The following NRXN1 variants were observed in gnomAD, a reference collection of about 807,000 sequenced individuals.
NRXN1 encodes neurexin 1, also known as neurexin-1.
NRXN1 carries 39 observed loss-of-function variants against 150.9 expected under a neutral mutation model. The ratio of observed to expected loss-of-function variants is 0.26; its 90% confidence interval spans 0.20 to 0.34. NRXN1 has a LOEUF of 0.34. Ranked by LOEUF, NRXN1 falls within the 10% of genes least tolerant of loss-of-function variation. The pLI is 1.00. For missense variants in NRXN1, 1,815 were observed against 1,949.9 expected (o/e 0.93, Z 1.30); for synonymous variants, 924 against 757.0 (o/e 1.22, Z -3.62).
At chr2:50,664,911 C>T (rs1432039838) in intron 5 of NRXN1, among the ~76,000 whole-genome samples, 1 of 151,744 alleles carries the variant, frequency 6.6e-6, no homozygotes, top group Non-Finnish European at 1.5e-5. Flanking sequence ...AGATATTTAT[C>T]CTTCAAATTA....
chr2:49,957,454 G>A (rs112456596), intron 21 of NRXN1, among the ~76,000 whole-genome samples: 1,860 of 152,126 alleles, frequency 0.012, 16 homozygotes, highest in Non-Finnish European at 0.019. Context: ...TTTATTCCTA[G>A]CACTGGACTC....
intron 5 of NRXN1, among the ~76,000 whole-genome samples, chr2:50,639,945 T>G (rs1428370194): frequency 6.6e-6 from 1 of 152,170 alleles, no homozygotes; most frequent in Non-Finnish European, 1.5e-5. Context: ...ATTCCCACAA[T>G]AGGAATAGAC....
chr2:50,700,905 A>T (rs1296050635), intron 5 of NRXN1, among the ~76,000 whole-genome samples: 1 of 151,600 alleles, frequency 6.6e-6, no homozygotes, highest in African/African-American at 2.4e-5. Context: ...TGACCTCGTG[A>T]TCTGCCCGCC....
intron 5 of NRXN1, among the ~76,000 whole-genome samples, chr2:50,875,569 A>G (rs1678452102): frequency 6.6e-6 from 1 of 151,786 alleles, no homozygotes; most frequent in Non-Finnish European, 1.5e-5. Context: ...GAAACAAGAT[A>G]AGATTTCTAC....
chr2:50,924,044 T>C (rs62142983), intron 3 of NRXN1, among the ~76,000 whole-genome samples: 6 of 151,768 alleles, frequency 4.0e-5, no homozygotes, highest in Non-Finnish European at 7.4e-5. Context: ...GTGTTTTATA[T>C]GCTGATAGTG....
intron 18 of NRXN1, among the ~76,000 whole-genome samples, chr2:50,139,324 CA>C (rs35142652): frequency 0.38 from 29,454 of 77,446 alleles, 2,517 homozygotes; most frequent in African/African-American, 0.41. Flanking sequence ...GACTTGGTAT[CA>C]AAAAAAAAAA....
intron 5 of NRXN1, among the ~76,000 whole-genome samples, chr2:50,647,483 G>T (rs766759264): frequency 1.3e-5 from 2 of 151,890 alleles, no homozygotes; most frequent in Non-Finnish European, 2.9e-5. Flanking sequence ...AAACAAAATA[G>T]AAATAGCTTA....
chr2:50,668,244 A>C (rs1688346239), intron 5 of NRXN1, among the ~76,000 whole-genome samples: 1 of 151,934 alleles, frequency 6.6e-6, no homozygotes, highest in Non-Finnish European at 1.5e-5. Flanking sequence ...AATAAAATAA[A>C]ATAGTGAAAT....
intron 5 of NRXN1, among the ~76,000 whole-genome samples, chr2:50,746,889 G>T (rs1353100426): frequency 1.3e-5 from 2 of 152,090 alleles, no homozygotes; most frequent in Non-Finnish European, 2.9e-5. Flanking sequence ...ACAGATGAAT[G>T]CTCTGGGTTG....
intron 21 of NRXN1, among the ~76,000 whole-genome samples, chr2:49,958,125 C>T (rs570241100): frequency 1.3e-5 from 2 of 152,232 alleles, no homozygotes; most frequent in South Asian, 4.1e-4. Context: ...AGTGCAGAAA[C>T]AGGACAAGAA....
chr2:50,639,072 A>G (rs1683663034), intron 5 of NRXN1, among the ~76,000 whole-genome samples: 1 of 152,146 alleles, frequency 6.6e-6, no homozygotes, highest in Admixed American at 6.6e-5. Context: ...TACATTAAAA[A>G]AATGAAGGTC....
intron 21 of NRXN1, among the ~76,000 whole-genome samples, chr2:49,975,673 C>T (rs576161314): frequency 6.6e-6 from 1 of 152,190 alleles, no homozygotes; most frequent in East Asian, 1.9e-4. Context: ...TCTCAACAAA[C>T]TTTATTCTTA....
chr2:50,155,294 T>G (rs1266158982), intron 18 of NRXN1, among the ~76,000 whole-genome samples: 1 of 151,570 alleles, frequency 6.6e-6, no homozygotes, highest in Non-Finnish European at 1.5e-5. Context: ...CCCAAGTCTA[T>G]AGAGTAGTGT....
At chr2:50,076,514 TAGGAAAATG>T (rs1194157170) in intron 19 of NRXN1, among the ~76,000 whole-genome samples, 1 of 152,182 alleles carries the variant, frequency 6.6e-6, no homozygotes, top group African/African-American at 2.4e-5. Context: ...CTTTTTAGAT[TAGGAAAATG>T]AGATTAAAGA....
intron 5 of NRXN1, among the ~76,000 whole-genome samples, chr2:50,742,537 G>A (rs991154370): frequency 6.6e-6 from 1 of 151,032 alleles, no homozygotes; most frequent in Non-Finnish European, 1.5e-5. Flanking sequence ...GAGCCCGGGA[G>A]GCGGAGGTTG....
rs374831026 is a variant in NRXN1 at position 50,788,009 on chromosome 2, A to G, written c.832+133860T>C. Among the ~76,000 whole-genome samples, 11 of 152,092 alleles carry G rather than the reference A, an allele frequency of 7.2e-5. No homozygotes were observed. In the East Asian group the frequency reaches 7.7e-4, roughly 11 times the overall value. ...TCTGCAGAGATAAATATCCCAAAATATTTTTGTGCTCCAAAATATGAGAAG... is the reference window on the plus strand; with the variant it reads ...TCTGCAGAGATAAATATCCCAAAATGTTTTTGTGCTCCAAAATATGAGAAG... On this transcript the variant is annotated intron_variant, in intron 5 of 22. Coordinates refer to ENST00000401669, the MANE Select transcript of NRXN1 (RefSeq NM_001330078.2).
At chr2:50,618,500 G>C (rs1679407423) in intron 8 of NRXN1, among the ~76,000 whole-genome samples, 1 of 151,694 alleles carries the variant, frequency 6.6e-6, no homozygotes. Flanking sequence ...AATCTTTTAG[G>C]AACTCTAACA....
intron 21 of NRXN1, among the ~76,000 whole-genome samples, chr2:50,047,305 T>C (rs923582717): frequency 7.2e-5 from 11 of 152,032 alleles, no homozygotes; most frequent in Non-Finnish European, 1.0e-4. Context: ...TTTTTGAGTT[T>C]CCATCTCTTC....
chr2:50,487,627 G>T (rs2090970170), intron 15 of NRXN1, among the ~76,000 whole-genome samples: 1 of 152,334 alleles, frequency 6.6e-6, no homozygotes, highest in South Asian at 2.1e-4. Context: ...CTATTTCCAT[G>T]TTGACCCATG....
Sources: gnomAD v4.1 joint callset for allele counts (sites outside exome capture counted in the v4.1 genomes callset) on GRCh38, gnomAD v4.1.1 for gene constraint, MANE v1.5 for transcripts, NCBI Gene and HGNC (gene_info 2026-07-23, HGNC 2026-07-21) for gene names.